Variants in MAP4 observed in about 807,000 individuals in gnomAD.
The protein encoded by MAP4 is microtubule associated protein 4.
MAP4 carries 76 observed loss-of-function variants against 170.2 expected under a neutral mutation model. The observed-to-expected ratio is 0.45, with a 90% CI of 0.37 to 0.54. The LOEUF is 0.54. Among genes scored for constraint, MAP4 ranks in the 20% least tolerant of loss-of-function variants. The probability of loss-of-function intolerance (pLI) is 0.00; values close to 1 mark genes in which losing one functional copy is unlikely to be tolerated. For missense variants in MAP4, 2,506 were observed against 2,748.0 expected, an observed-to-expected ratio of 0.91 and a Z score of 1.97; for synonymous variants, 909 against 994.5, an observed-to-expected ratio of 0.91 and a Z score of 1.62.
intron 1 of MAP4, among the ~76,000 whole-genome samples, chr3:48,085,648 G>A (rs781679826): frequency 6.6e-6 from 1 of 152,212 alleles, no homozygotes; most frequent in Admixed American, 6.5e-5. Flanking sequence ...AAGGCCAGGC[G>A]TGATGGCTCA....
At chr3:48,062,307 C>A (rs1240976790) in intron 1 of MAP4, among the ~76,000 whole-genome samples, 2 of 151,118 alleles carry the variant, frequency 1.3e-5, no homozygotes, top group African/African-American at 4.9e-5. Flanking sequence ...CAGCATGCTC[C>A]TTAAGAGTCA....
At chr3:47,921,533 T>A (rs1223013549) in intron 5 of MAP4, among the ~76,000 whole-genome samples, 1 of 151,992 alleles carries the variant, frequency 6.6e-6, no homozygotes, top group Non-Finnish European at 1.5e-5. Flanking sequence ...AAAAAAAAAA[T>A]TTGTCATTCT....
intron 10 of MAP4, 105 bp from the exon 11 acceptor site, chr3:47,877,628 C>G: frequency 1.4e-6 from 1 of 695,280 alleles, no homozygotes; most frequent in Non-Finnish European, 2.4e-6. Flanking sequence ...GCACTTCATT[C>G]TGAAAAAAGT....
chr3:47,984,522 G>A (rs1368137550), intron 2 of MAP4, among the ~76,000 whole-genome samples: 1 of 152,038 alleles, frequency 6.6e-6, no homozygotes, highest in Non-Finnish European at 1.5e-5. Context: ...TCATTACAAG[G>A]AGAAAAATAT....
At chr3:47,879,023 T>C (rs766152491) in intron 10 of MAP4, among the ~76,000 whole-genome samples, 13 of 152,216 alleles carry the variant, frequency 8.5e-5, no homozygotes, top group African/African-American at 1.4e-4. Context: ...AACCAATTTC[T>C]AGTAATTTAT....
chr3:48,056,220 T>G (rs1559870483), intron 1 of MAP4, among the ~76,000 whole-genome samples: 7 of 99,412 alleles, frequency 7.0e-5, no homozygotes, highest in African/African-American at 1.1e-4. Context: ...GGTGGGGGGG[T>G]CAGCCCCCCG....
In MAP4 at chr3:47,926,986, G is replaced by A. The variant is rs577953345; in HGVS notation, c.415+1242C>T. Among the ~76,000 whole-genome samples the A allele has an allele frequency of 3.9e-5, 6 of 152,144 alleles. No individual in the cohort carries two copies. In the East Asian group the frequency reaches 1.2e-3, roughly 29 times the overall value. ...TTGAGATCAGCCTGGCCAACATGGT[G>A]AAACCTGGTCTCTACTAAAAATACA... On this transcript the variant is annotated intron_variant, in intron 4 of 20. Coordinates refer to ENST00000683076, the MANE Select transcript of MAP4 (RefSeq NM_001385682.1).
chr3:48,006,738 C>A (rs1471423439), intron 1 of MAP4, among the ~76,000 whole-genome samples: 1 of 152,214 alleles, frequency 6.6e-6, no homozygotes, highest in Non-Finnish European at 1.5e-5. Flanking sequence ...TGATTCCCAC[C>A]ACATCCCCAT....
chr3:48,063,050 CAT>C (rs767846633), intron 1 of MAP4, among the ~76,000 whole-genome samples: 154 of 151,326 alleles, frequency 1.0e-3, no homozygotes, highest in Non-Finnish European at 1.8e-3. Context: ...TGTTCAATAA[CAT>C]ATGTCATCAG....
intron 2 of MAP4, chr3:47,987,349 G>A: frequency 6.7e-7 from 1 of 1,482,054 alleles, no homozygotes; most frequent in Non-Finnish European, 9.1e-7. Context: ...TACCACAGAG[G>A]AAAGAGGAAA....
At chr3:47,958,616 A>C (rs572559518) in intron 3 of MAP4, among the ~76,000 whole-genome samples, 1 of 151,950 alleles carries the variant, frequency 6.6e-6, no homozygotes, top group South Asian at 2.1e-4. Flanking sequence ...TCCCAGCTTC[A>C]AGTGATTCTC....
At position 47,909,514 on chromosome 3, in the gene MAP4, C is replaced by T. The variant is rs1009838312; in HGVS notation, c.4907G>A (p.Cys1636Tyr). The part of the protein sequence containing the change: ...LEDKAQKLSF[C>Y]EDQNAQDRNS... ...TCTATCTTGAGCATTTTGGTCCTCA[C>T]AAAAACTGAGCTTTTGTGCTTTGTC... is the stretch of plus-strand genomic sequence containing the variant. The change falls in exon 9 of 21, where the codon TGT (cysteine) becomes TAT (tyrosine). Residue 1636 changes from cysteine to tyrosine, a missense_variant. Around this residue, in one of 3 missense-constraint regions of MAP4, gnomAD observed 2,008 missense variants for 2,206.0 expected, o/e 0.91. Transcript: ENST00000683076. 2 of 1,613,226 alleles carry T rather than the reference C, an allele frequency of 1.2e-6. No homozygotes were observed. Among genetic ancestry groups the T allele is most frequent in the Non-Finnish European group, 1.7e-6 (2 of 1,179,890 alleles).
rs114693809 is a variant in MAP4 at position 48,045,445 on chromosome 3, C to T, written c.-20+43328G>A. Among the ~76,000 whole-genome samples, 1,029 of 152,028 alleles carry T rather than the reference C, an allele frequency of 6.8e-3. 11 individuals are homozygous for T. The highest frequency in any genetic ancestry group is 0.023 in the African/African-American group (972 of 41,462). ...ATTAGATTCTCATAAGAGCACAAACCCTACTGTGAACTGTGCATGCGAGGG... is the reference window on the plus strand; with the variant it reads ...ATTAGATTCTCATAAGAGCACAAACTCTACTGTGAACTGTGCATGCGAGGG... On this transcript the variant is annotated intron_variant, in intron 1 of 18. Coordinates refer to the MAP4 transcript ENST00000360240.
chr3:47,958,184 A>G (rs2053767), intron 3 of MAP4, among the ~76,000 whole-genome samples: 60,135 of 151,938 alleles, frequency 0.4, 13,172 homozygotes, highest in African/African-American at 0.59. Context: ...TCTGAAACCC[A>G]AGGGATTATC....
chr3:48,074,783 C>T (rs962444640), intron 1 of MAP4, among the ~76,000 whole-genome samples: 1 of 148,330 alleles, frequency 6.7e-6, no homozygotes, highest in African/African-American at 2.5e-5. Context: ...CTCACCTCAG[C>T]CTCCCAAAGT....
chr3:47,915,647 A>G (rs1489541514), intron 7 of MAP4, among the ~76,000 whole-genome samples: 1 of 152,158 alleles, frequency 6.6e-6, no homozygotes, highest in Non-Finnish European at 1.5e-5. Context: ...ATAAGCAGAG[A>G]CCATGGATAC....
At chr3:47,900,464 G>A (rs2100029400) in intron 10 of MAP4, among the ~76,000 whole-genome samples, 1 of 152,204 alleles carries the variant, frequency 6.6e-6, no homozygotes, top group South Asian at 2.1e-4. Flanking sequence ...TAAAGGCCGG[G>A]CATGGTAGCT....
chr3:48,008,306 A>T (rs1409494045), intron 1 of MAP4, among the ~76,000 whole-genome samples: 4 of 152,248 alleles, frequency 2.6e-5, no homozygotes, highest in Non-Finnish European at 4.4e-5. Flanking sequence ...GAGGAAAAGA[A>T]GATTAGGGCC....
At chr3:48,015,819 C>T (rs1464171266) in intron 1 of MAP4, among the ~76,000 whole-genome samples, 1 of 152,216 alleles carries the variant, frequency 6.6e-6, no homozygotes, top group Non-Finnish European at 1.5e-5. Flanking sequence ...TTCACAGACA[C>T]ATATGATTCC....
Sources: allele counts gnomAD v4.1 joint callset (sites outside exome capture counted in the v4.1 genomes callset), GRCh38; gene constraint gnomAD v4.1.1; regional missense constraint gnomAD v4.1.1; transcripts MANE v1.5; gene names NCBI Gene and HGNC (gene_info 2026-07-23, HGNC 2026-07-21).